PNLIPRP3: variants seen among roughly 807,000 people sequenced by gnomAD.
PNLIPRP3 encodes pancreatic lipase related protein 3.
Under a neutral mutation model 52.8 loss-of-function variants are expected in PNLIPRP3, and 58 were observed. The ratio of observed to expected loss-of-function variants is 1.10; its 90% CI spans 0.89 to 1.37. PNLIPRP3 has a LOEUF of 1.37. Ranked by LOEUF, PNLIPRP3 falls within the 40% of genes most tolerant of loss-of-function variation. The pLI, the probability that PNLIPRP3 is intolerant of heterozygous loss-of-function variation, is 0.00. For missense variants in PNLIPRP3, 593 were observed against 561.6 expected (o/e 1.06, Z -0.57); for synonymous variants, 192 against 185.0 (o/e 1.04, Z -0.31).
chr10:116,474,441 T>A (rs1846425474), intron 10 of PNLIPRP3, among the ~76,000 whole-genome samples: 1 of 152,104 alleles, frequency 6.6e-6, no homozygotes, highest in Non-Finnish European at 1.5e-5. Flanking sequence ...AAGCAAAAAT[T>A]AACAAATGGG....
intron 7 of PNLIPRP3, among the ~76,000 whole-genome samples, chr10:116,464,696 C>A (rs1242558953): frequency 6.6e-6 from 1 of 152,214 alleles, no homozygotes; most frequent in Non-Finnish European, 1.5e-5. Context: ...ACCACGCAGC[C>A]CCAAAGGGGG....
In PNLIPRP3 at chr10:116,459,275, G is replaced by GA. The variant is rs1279382688; in HGVS notation, c.566-1686dup. The stretch of plus-strand genomic sequence containing the variant: ...ACTCTTTTAGTGATTATATTAGTCA[G>GA]AAAAATAAAAAAAAAAAAAAACACA... On this transcript the variant is annotated intron_variant, in intron 5 of 11. Coordinates refer to ENST00000369230, the MANE Select transcript of PNLIPRP3 (RefSeq NM_001011709.3). Among the ~76,000 whole-genome samples the GA allele has an allele frequency of 3.2e-3, 411 of 129,634 alleles. 2 individuals are homozygous for GA. The highest frequency in any genetic ancestry group is 0.012 in the South Asian group (51 of 4,104). 85.0% of individuals were successfully genotyped at this position (129,634 alleles called of 152,430 possible). A position where few individuals can be genotyped will look rare whatever the true frequency, so the allele number is the denominator to read the frequency against.
At chr10:116,475,209 C>T (rs1846443951) in intron 10 of PNLIPRP3, among the ~76,000 whole-genome samples, 1 of 152,242 alleles carries the variant, frequency 6.6e-6, no homozygotes, top group East Asian at 1.9e-4. Flanking sequence ...TGAATGTTCT[C>T]ACTTATAAGT....
chr10:116,470,293 C>A (rs1846347380), intron 9 of PNLIPRP3, among the ~76,000 whole-genome samples: 1 of 152,060 alleles, frequency 6.6e-6, no homozygotes, highest in Non-Finnish European at 1.5e-5. Context: ...GGGAGTCACT[C>A]AGACTGTAGT....
intron 5 of PNLIPRP3, among the ~76,000 whole-genome samples, chr10:116,458,681 T>C (rs1199302762): frequency 6.6e-6 from 1 of 152,210 alleles, no homozygotes; most frequent in Non-Finnish European, 1.5e-5. Flanking sequence ...CATTACTTCA[T>C]TGATCTCTTT....
Position 116,435,001 on chromosome 10 carries a change from A to G in PNLIPRP3, c.50-1710A>G, listed in dbSNP as rs1845755035. Among the ~76,000 whole-genome samples, 6 of 152,344 alleles carry G rather than the reference A, an allele frequency of 3.9e-5. No homozygotes were observed. In the Middle Eastern group the frequency reaches 0.017, roughly 432 times the overall value. ...TATGGAGTAACCTACGATGACACTG[A>G]TCCTGAGTAATTCAAATATTAGGAA... is the stretch of plus-strand genomic sequence containing the variant. On this transcript the variant is annotated intron_variant, in intron 1 of 11. Transcript: ENST00000369230.
chr10:116,462,070 G>A (rs886605315), intron 7 of PNLIPRP3, among the ~76,000 whole-genome samples: 1 of 152,180 alleles, frequency 6.6e-6, no homozygotes, highest in Non-Finnish European at 1.5e-5. Context: ...GGAGCCATGA[G>A]TGGATTTTGA....
At chr10:116,432,810 G>C (rs550951061) in intron 1 of PNLIPRP3, among the ~76,000 whole-genome samples, 29 of 152,042 alleles carry the variant, frequency 1.9e-4, no homozygotes, top group Non-Finnish European at 1.8e-4. Flanking sequence ...AGAAAAGTGT[G>C]TAATTGTTAA....
At chr10:116,437,825 T>G (rs1695352511) in intron 2 of PNLIPRP3, among the ~76,000 whole-genome samples, 1 of 152,146 alleles carries the variant, frequency 6.6e-6, no homozygotes. Context: ...CAGCCACATT[T>G]CAAGTGCTCA....
intron 10 of PNLIPRP3, among the ~76,000 whole-genome samples, chr10:116,472,492 T>C (rs2133159244): frequency 6.6e-6 from 1 of 152,354 alleles, no homozygotes; most frequent in South Asian, 2.1e-4. Context: ...TACCTACTAA[T>C]TAGATGCAAC....
At chr10:116,431,202 T>C (rs1374604295) in intron 1 of PNLIPRP3, among the ~76,000 whole-genome samples, 1 of 152,152 alleles carries the variant, frequency 6.6e-6, no homozygotes, top group Non-Finnish European at 1.5e-5. Context: ...CTGACTTTTA[T>C]CTAGTTTGTT....
At chr10:116,438,540 T>C (rs1845810311) in intron 2 of PNLIPRP3, among the ~76,000 whole-genome samples, 1 of 152,204 alleles carries the variant, frequency 6.6e-6, no homozygotes, top group Non-Finnish European at 1.5e-5. Context: ...CAGCTATCTG[T>C]AGATGAGTAT....
intron 2 of PNLIPRP3, among the ~76,000 whole-genome samples, chr10:116,442,809 C>T (rs933519413): frequency 6.6e-6 from 1 of 152,034 alleles, no homozygotes; most frequent in Non-Finnish European, 1.5e-5. Flanking sequence ...AACTGCAGTG[C>T]GTTATGATGG....
chr10:116,464,903 G>T (rs532216119), intron 7 of PNLIPRP3, among the ~76,000 whole-genome samples: 10 of 152,228 alleles, frequency 6.6e-5, no homozygotes, highest in Non-Finnish European at 1.3e-4. Flanking sequence ...CAGCCCCACT[G>T]CAGCTTCCTG....
intron 2 of PNLIPRP3, among the ~76,000 whole-genome samples, chr10:116,439,294 C>T (rs1224190843): frequency 6.6e-6 from 1 of 152,188 alleles, no homozygotes; most frequent in African/African-American, 2.4e-5. Context: ...TTCTTGTAAA[C>T]CACTGACTAT....
chr10:116,466,572 T>C (rs567587275), intron 8 of PNLIPRP3, among the ~76,000 whole-genome samples: 1 of 152,256 alleles, frequency 6.6e-6, no homozygotes, highest in East Asian at 1.9e-4. Context: ...TACTATTTAC[T>C]TGGAACATGA....
intron 2 of PNLIPRP3, 76 bp from the exon 3 acceptor site, chr10:116,442,979 G>T: frequency 8.4e-7 from 1 of 1,189,816 alleles, no homozygotes; most frequent in Admixed American, 3.1e-5. Flanking sequence ...CTTTCGAGCA[G>T]CTTTAGAATA....
intron 9 of PNLIPRP3, 90 bp downstream of exon 9, chr10:116,469,407 T>C: frequency 7.8e-7 from 1 of 1,285,136 alleles, no homozygotes; most frequent in Non-Finnish European, 1.0e-6. Context: ...ACTAAATAAC[T>C]GGGCATTAGG....
At chr10:116,449,121 G>T (rs140391889) in intron 4 of PNLIPRP3, among the ~76,000 whole-genome samples, 2 of 151,970 alleles carry the variant, frequency 1.3e-5, no homozygotes, top group Non-Finnish European at 1.5e-5. Context: ...TGAGTCCAAA[G>T]GTTTGAAGGT....
Sources: allele counts gnomAD v4.1 joint callset (sites outside exome capture counted in the v4.1 genomes callset), GRCh38; gene constraint gnomAD v4.1.1; transcripts MANE v1.5; gene names NCBI Gene and HGNC (gene_info 2026-07-23, HGNC 2026-07-21).